The following PABPC1 variants were observed in gnomAD, a reference collection of about 807,000 sequenced individuals.
PABPC1 encodes the protein poly(A) binding protein cytoplasmic 1, also known as polyadenylate-binding protein 1.
A neutral mutation model predicts 74.0 loss-of-function variants in PABPC1; 4 were observed. The ratio of observed to expected loss-of-function variants is 0.05; its 90% CI spans 0.03 to 0.12. PABPC1 has a LOEUF of 0.12. Among genes scored for constraint, PABPC1 ranks in the 10% least tolerant of loss-of-function variants. PABPC1 has a pLI of 1.00. For synonymous variants in PABPC1, 227 were observed against 264.1 expected, an observed-to-expected ratio of 0.86 and a Z score of 1.36; for missense variants, 271 against 821.1, an observed-to-expected ratio of 0.33 and a Z score of 8.19.
chr8:100,717,718 T>C, intron 3 of PABPC1, 55 bp downstream of exon 3: 1 of 1,055,622 alleles, frequency 9.5e-7, no homozygotes, highest in Non-Finnish European at 1.4e-6. Flanking sequence ...TGAATGGATT[T>C]GGAATTATTA....
intron 3 of PABPC1, 144 bp from the exon 4 acceptor site, chr8:100,715,745 A>G (rs1810652784): frequency 1.9e-6 from 1 of 522,982 alleles, no homozygotes. Context: ...AAATAGGGCC[A>G]TAATTTAAGA....
Position 100,705,275 on chromosome 8 carries a change from AC to A in PABPC1, c.1688-220del, listed in dbSNP as rs1156788372. On this transcript the variant is annotated intron_variant, in intron 12 of 14. Transcript: ENST00000318607. ...ATCAGCTTGCCAATTAAGCAATGTTACCATTAGGTTGTTAAATCGGTGTTCA... is the reference window on the plus strand; with the variant it reads ...ATCAGCTTGCCAATTAAGCAATGTTACATTAGGTTGTTAAATCGGTGTTCA... Among the ~76,000 whole-genome samples, 3 of 152,370 alleles carry A rather than the reference AC, an allele frequency of 2.0e-5. No individual in the cohort carries two copies. The East Asian group carries it at 5.8e-4, about 29-fold the overall frequency.
At chr8:100,713,635 C>T (rs1450258322) in intron 4 of PABPC1, among the ~76,000 whole-genome samples, 1 of 152,104 alleles carries the variant, frequency 6.6e-6, no homozygotes, top group Non-Finnish European at 1.5e-5. Context: ...GACTACTGGC[C>T]CACATACCAC....
In PABPC1 at chr8:100,719,973, T is replaced by C. The variant is rs1262353701; in HGVS notation, c.193+1418A>G. 2.0e-5 allele frequency among the ~76,000 whole-genome samples: 3 copies of C among 152,270 alleles called. No homozygotes were observed. The East Asian group carries it at 5.8e-4, about 29-fold the overall frequency. ...AGTGCAGTTTTACAACTTCTGGCTCTGTGTCACTCAATATTCTGCTTCCAA... is the reference window on the plus strand; with the variant it reads ...AGTGCAGTTTTACAACTTCTGGCTCCGTGTCACTCAATATTCTGCTTCCAA... On this transcript the variant is annotated intron_variant, in intron 1 of 14. Transcript: ENST00000318607.
rs57274799 is a variant in PABPC1 at position 100,709,304 on chromosome 8, A to T, written c.1246-81T>A. On this transcript the variant is annotated intron_variant, in intron 8 of 14. Coordinates refer to ENST00000318607, the MANE Select transcript of PABPC1 (RefSeq NM_002568.4). ...AATAAATTATATGTACTTTTTCAAA[A>T]CATTTACCAGGACTTCACACTCAAG... The T allele has an allele frequency of 0.01, 14,874 of 1,476,962 alleles. 1,103 individuals carry two copies. In the African/African-American group the frequency reaches 0.17, roughly 17 times the overall value. The allele number at this position is 1,476,962 out of a possible 1,614,324, so 91.5% of individuals were successfully genotyped here. A position where few individuals can be genotyped will look rare whatever the true frequency, so the allele number is the denominator to read the frequency against.
At chr8:100,715,353 C>G in intron 4 of PABPC1, 109 bp downstream of exon 4, 1 of 921,264 alleles carries the variant, frequency 1.1e-6, no homozygotes, top group African/African-American at 1.7e-5. Flanking sequence ...TTTTAAAGTA[C>G]CATGTAAGTC....
intron 11 of PABPC1, among the ~76,000 whole-genome samples, chr8:100,706,323 CTT>C (rs1490193890): frequency 6.6e-6 from 1 of 152,114 alleles, no homozygotes; most frequent in Non-Finnish European, 1.5e-5. Flanking sequence ...CACATTTTTT[CTT>C]TTGAGACAGA....
At chr8:100,710,655 T>C (rs1810503615) in intron 7 of PABPC1, among the ~76,000 whole-genome samples, 1 of 152,230 alleles carries the variant, frequency 6.6e-6, no homozygotes, top group South Asian at 2.1e-4. Flanking sequence ...AAGTGAGGTC[T>C]ATAAAGTGGA....
intron 4 of PABPC1, among the ~76,000 whole-genome samples, chr8:100,715,154 C>T (rs1249590685): frequency 1.3e-5 from 1 of 78,670 alleles, no homozygotes; most frequent in Non-Finnish European, 3.1e-5. Context: ...CACACACACA[C>T]ACACATATAT....
chr8:100,705,772 C>A, intron 11 of PABPC1, 99 bp from the exon 12 acceptor site: 1 of 780,360 alleles, frequency 1.3e-6, no homozygotes, highest in South Asian at 1.5e-5. Flanking sequence ...AGACTTCCAT[C>A]GAAACATGAG....
chr8:100,721,758 T>G lies in PABPC1; in HGVS notation c.-175A>C, dbSNP rs1810839681. 4.0e-6 allele frequency: 2 copies of G among 493,970 alleles called. No individual in the cohort carries two copies. Among genetic ancestry groups the G allele is most frequent in the Non-Finnish European group, 6.7e-6 (2 of 297,572 alleles). The allele number at this position is 493,970 out of a possible 1,614,324, so 30.6% of individuals were successfully genotyped here. A position where few individuals can be genotyped will look rare whatever the true frequency, so the allele number is the denominator to read the frequency against. The stretch of plus-strand genomic sequence containing the variant: ...CGGCCGCAGAACGGGGTCGATCCAC[T>G]GCCGCTGGCTGCCGGCTGCCGGCGG... On this transcript the variant is annotated 5_prime_UTR_variant, in exon 1 of 15. Transcript: ENST00000318607. The surrounding 1 kb of genome is among the most constrained non-coding windows in gnomAD (Gnocchi z 7.4).
chr8:100,713,049 T>G, intron 5 of PABPC1, 38 bp downstream of exon 5: 1 of 1,412,704 alleles, frequency 7.1e-7, no homozygotes, highest in Non-Finnish European at 9.8e-7. Flanking sequence ...CAACTCAACT[T>G]TGTACCCCCT....
intron 9 of PABPC1, chr8:100,707,292 T>TA (rs113383922): frequency 0.024 from 5,830 of 242,862 alleles, 182 homozygotes; most frequent in African/African-American, 0.095. Flanking sequence ...CACAGAGATT[T>TA]AAAAAAAAAA....
chr8:100,711,917 G>C (rs908756649), intron 7 of PABPC1, among the ~76,000 whole-genome samples: 2 of 152,244 alleles, frequency 1.3e-5, no homozygotes, highest in Non-Finnish European at 2.9e-5. Context: ...CAAGATTTCA[G>C]AATTTGTACT....
intron 12 of PABPC1, 135 bp from the exon 13 acceptor site, chr8:100,705,191 T>C (rs150586808): frequency 1.4e-6 from 1 of 699,174 alleles, no homozygotes; most frequent in Non-Finnish European, 2.4e-6. Context: ...CACAATTTCA[T>C]TATGTCTTCA....
At chr8:100,707,438 G>C (rs1359202377) in intron 9 of PABPC1, among the ~76,000 whole-genome samples, 1 of 152,184 alleles carries the variant, frequency 6.6e-6, no homozygotes, top group Non-Finnish European at 1.5e-5. Context: ...TCCAATGATA[G>C]GTAAGGTCAC....
At chr8:100,716,708 G>T in intron 3 of PABPC1, among the ~76,000 whole-genome samples, 1 of 152,158 alleles carries the variant, frequency 6.6e-6, no homozygotes, top group African/African-American at 2.4e-5. Context: ...TAAGAGACAA[G>T]GTCTTGCTAT....
At position 100,712,357 on chromosome 8, in the gene PABPC1, C is replaced by G. The variant is rs1471823507; in HGVS notation, c.972+5G>C. On this transcript the variant is annotated splice_donor_5th_base_variant and intron_variant, in intron 7 of 14. Coordinates refer to ENST00000318607, the MANE Select transcript of PABPC1 (RefSeq NM_002568.4). ...CTCAAATAAATGAACCATATGTTTTCTTACCTTTGCACTAGTGATTGTACC... is the reference window on the plus strand; with the variant it reads ...CTCAAATAAATGAACCATATGTTTTGTTACCTTTGCACTAGTGATTGTACC... 7.2e-6 allele frequency: 11 copies of G among 1,531,210 alleles called. No individual in the cohort carries two copies. In the Admixed American group the frequency reaches 2.0e-4, roughly 29 times the overall value. 94.9% of individuals were successfully genotyped at this position (1,531,210 alleles called of 1,614,324 possible). A position where few individuals can be genotyped will look rare whatever the true frequency, so the allele number is the denominator to read the frequency against.
chr8:100,715,353 C>T, intron 4 of PABPC1, 109 bp downstream of exon 4: 1 of 921,264 alleles, frequency 1.1e-6, no homozygotes, highest in Non-Finnish European at 1.6e-6. Flanking sequence ...TTTTAAAGTA[C>T]CATGTAAGTC....
Sources: allele counts gnomAD v4.1 joint callset (sites outside exome capture counted in the v4.1 genomes callset), GRCh38; gene constraint gnomAD v4.1.1; non-coding constraint Gnocchi (gnomAD v3.1); transcripts MANE v1.5; gene names NCBI Gene and HGNC (gene_info 2026-07-23, HGNC 2026-07-21).